AMER2: variants seen among roughly 807,000 people sequenced by gnomAD.
The protein encoded by AMER2 is family with sequence similarity 123A.
In AMER2, 1 loss-of-function variant was observed where a neutral mutation model predicts 4.7. The ratio of observed to expected loss-of-function variants is 0.21; its 90% CI spans 0.07 to 1.00. The LOEUF (loss-of-function observed/expected upper bound fraction) is 1.00. Ranked by LOEUF, AMER2 falls within the 50% of genes least tolerant of loss-of-function variation. AMER2 has a pLI of 0.60. For synonymous variants in AMER2, 485 were observed against 433.3 expected (o/e 1.12, Z -1.48); for missense variants, 988 against 966.9 (o/e 1.02, Z -0.29).
chr13:25,170,280 T>C lies in AMER2; in HGVS notation c.1340A>G (p.Glu447Gly), dbSNP rs764652780. The change falls in exon 1 of 1, where the codon GAG becomes GGG. Residue 447 changes from glutamate (E) to glycine (G), a missense_variant. Coordinates refer to ENST00000515384, the MANE Select transcript of AMER2 (RefSeq NM_152704.4). This position sits in a 1 kb window ranked among gnomAD's most constrained non-coding sequence, Gnocchi z 7.3. ...QEFWDMLSQT[E>G]EQGPEPQEGA... ...CTCCTGGGGCTCGGGTCCCTGCTCC[T>C]CGGTCTGGGAGAGCATGTCCCAGAA... is the stretch of plus-strand genomic sequence containing the variant. 1 of 1,613,562 alleles carries C rather than the reference T, an allele frequency of 6.2e-7. No individual in the cohort carries two copies. Among genetic ancestry groups the C allele is most frequent in the Admixed American group, 1.7e-5 (1 of 59,968 alleles).
Position 25,171,447 on chromosome 13 carries a change from G to T in AMER2, c.173C>A (p.Pro58Gln), listed in dbSNP as rs1173779693. The T allele has an allele frequency of 6.2e-7, 1 of 1,611,874 alleles. No homozygotes were observed. The highest frequency in any genetic ancestry group is 1.7e-5 in the Admixed American group (1 of 59,866). Residue 58 changes from proline to glutamine, a missense_variant, in exon 1 of 1, where the codon CCG becomes CAG. Physicochemically the swap from Pro to Gln is moderately conservative, Grantham distance 76. Coordinates refer to ENST00000515384, the MANE Select transcript of AMER2 (RefSeq NM_152704.4). The surrounding 1 kb of genome is among the most constrained non-coding windows in gnomAD (Gnocchi z 5.9). The stretch of plus-strand genomic sequence containing the variant: ...AGCTTTATTAATCTTCCCCGACGGC[G>T]GCTCGGCGGCCGGCGTTTCGGCGGC... ...DCAAETPAAE[P>Q]PSGKINKAAF...
rs1391799292 is a variant in AMER2 at position 25,162,366 on chromosome 13, CA to C, written c.*7237del. The stretch of plus-strand genomic sequence containing the variant: ...TACAAATGATAGGAATTGACTTTGC[CA>C]ACAACATCAAAAGCATTTTCCCTGA... On this transcript the variant is annotated 3_prime_UTR_variant, in exon 1 of 1. Transcript: ENST00000515384. The C allele has an allele frequency of 1.3e-5, 2 of 152,232 alleles. No individual in the cohort carries two copies. Among genetic ancestry groups the C allele is most frequent in the Admixed American group, 1.3e-4 (2 of 15,280 alleles). The allele number at this position is 152,232 out of a possible 1,614,324, so 9.4% of individuals were successfully genotyped here.
chr13:25,170,952 C>T lies in AMER2; in HGVS notation c.668G>A (p.Gly223Asp). Residue 223 changes from glycine (G) to aspartate (D), a missense_variant, in exon 1 of 1, where the codon GGC becomes GAC. Transcript: ENST00000515384. The surrounding 1 kb of genome is among the most constrained non-coding windows in gnomAD (Gnocchi z 7.3). ...GGTGAGCGAGCCGGGTAGGATCAAG[C>T]CGCCCCCGGGCGCGCGCCCCTCCGC... Reference protein sequence around the residue: ...EAAEGRAPGGGLILPGSLTAS... With the variant: ...EAAEGRAPGGDLILPGSLTAS... 6.5e-7 allele frequency: 1 copy of T among 1,532,264 alleles called. No individual in the cohort carries two copies. Among genetic ancestry groups the T allele is most frequent in the Non-Finnish European group, 8.7e-7 (1 of 1,144,138 alleles). The allele number at this position is 1,532,264 out of a possible 1,614,324, so 94.9% of individuals were successfully genotyped here.
chr13:25,171,462 G>C lies in AMER2; in HGVS notation c.158C>G (p.Thr53Arg), dbSNP rs1956578041. ...CCCCGACGGCGGCTCGGCGGCCGGC[G>C]TTTCGGCGGCACAGTCACAATGCAA... The part of the protein sequence containing the change: ...MDLHCDCAAE[T>R]PAAEPPSGKI... The change falls in exon 1 of 1, where the codon ACG (threonine) becomes AGG (arginine). Residue 53 changes from threonine to arginine, a missense_variant. Coordinates refer to ENST00000515384, the MANE Select transcript of AMER2 (RefSeq NM_152704.4). The surrounding 1 kb of genome is among the most constrained non-coding windows in gnomAD (Gnocchi z 5.9). 1 of 1,610,818 alleles carries C rather than the reference G, an allele frequency of 6.2e-7. No homozygotes were observed. The highest frequency in any genetic ancestry group is 8.5e-7 in the Non-Finnish European group (1 of 1,179,118).
Position 25,169,770 on chromosome 13 carries a change from T to G in AMER2, c.1850A>C (p.Asn617Thr). The G allele has an allele frequency of 6.2e-7, 1 of 1,614,050 alleles. No individual in the cohort carries two copies. The highest frequency in any genetic ancestry group is 8.5e-7 in the Non-Finnish European group (1 of 1,179,978). Reference protein sequence around the residue: ...KIPISIKHLTNLPSSHPVVHQ... With the variant: ...KIPISIKHLTTLPSSHPVVHQ... Reference sequence around the variant, plus strand: ...CACCACGGGATGGCTAGATGGAAGGTTGGTCAGGTGCTTGATGCTAATAGG... The same window carrying G: ...CACCACGGGATGGCTAGATGGAAGGGTGGTCAGGTGCTTGATGCTAATAGG... Residue 617 changes from asparagine to threonine, a missense_variant, in exon 1 of 1, where the codon AAC (asparagine) becomes ACC (threonine). Physicochemically the swap from Asn to Thr is moderately conservative, Grantham distance 65. Transcript: ENST00000515384. The surrounding 1 kb of genome is among the most constrained non-coding windows in gnomAD (Gnocchi z 4.2).
At position 25,165,020 on chromosome 13, in the gene AMER2, GA is replaced by G. The variant is rs1389815120; in HGVS notation, c.*4583del. The stretch of plus-strand genomic sequence containing the variant: ...ATGCCCCATAAATATGTGTTGCATT[GA>G]ATTAAAGTAAATATCCATCATAAAA... On this transcript the variant is annotated 3_prime_UTR_variant, in exon 1 of 1. Transcript: ENST00000515384. 9.2e-5 allele frequency: 14 copies of G among 152,164 alleles called. No individual in the cohort carries two copies. The highest frequency in any genetic ancestry group is 2.9e-4 in the African/African-American group (12 of 41,440). The allele number at this position is 152,164 out of a possible 1,614,324, so 9.4% of individuals were successfully genotyped here. A position where few individuals can be genotyped will look rare whatever the true frequency, so the allele number is the denominator to read the frequency against.
At position 25,171,218 on chromosome 13, in the gene AMER2, C is replaced by A. The variant is rs1019197116; in HGVS notation, c.402G>T (p.Gly134=). 2.2e-6 allele frequency: 3 copies of A among 1,370,570 alleles called. No homozygotes were observed. In the African/African-American group the frequency reaches 4.6e-5, roughly 21 times the overall value. 84.9% of individuals were successfully genotyped at this position (1,370,570 alleles called of 1,614,324 possible). A position where few individuals can be genotyped will look rare whatever the true frequency, so the allele number is the denominator to read the frequency against. The change falls in exon 1 of 1, where the codon GGG becomes GGT. Residue 134 remains glycine, a synonymous_variant. Transcript: ENST00000515384. The surrounding 1 kb of genome is among the most constrained non-coding windows in gnomAD (Gnocchi z 5.9). The part of the protein sequence containing the change: ...RGGGDSGGGG[G]GRPNPGPPRA... ...TGGGGGGCCCCGGGTTCGGCCGCCC[C>A]CCGCCGCCCCCGCCGCTGTCGCCCC...
chr13:25,171,795 C>A lies in AMER2; in HGVS notation c.-176G>T, dbSNP rs1398815286. On this transcript the variant is annotated 5_prime_UTR_variant, in exon 1 of 1. Transcript: ENST00000515384. The surrounding 1 kb of genome is among the most constrained non-coding windows in gnomAD (Gnocchi z 5.9). ...TATAATACCCTAACCCACTTCCATC[C>A]GACTTGGCTCGGCGCTGCATGGCGT... 2 of 1,270,556 alleles carry A rather than the reference C, an allele frequency of 1.6e-6. No individual in the cohort carries two copies. The highest frequency in any genetic ancestry group is 3.1e-5 in the East Asian group (1 of 31,820). The allele number at this position is 1,270,556 out of a possible 1,614,324, so 78.7% of individuals were successfully genotyped here.
Position 25,167,793 on chromosome 13 carries a change from C to T in AMER2, c.*1811G>A, listed in dbSNP as rs572143920. 3.3e-5 allele frequency: 5 copies of T among 152,102 alleles called. No individual in the cohort carries two copies. Among genetic ancestry groups the T allele is most frequent in the Admixed American group, 6.5e-5 (1 of 15,272 alleles). The allele number at this position is 152,102 out of a possible 1,614,324, so 9.4% of individuals were successfully genotyped here. ...TCTGCTACTGGCTCAATTTGCTTTCCTTTGATGTCCATTTATTTTGTTACT... is the reference window on the plus strand; with the variant it reads ...TCTGCTACTGGCTCAATTTGCTTTCTTTTGATGTCCATTTATTTTGTTACT... On this transcript the variant is annotated 3_prime_UTR_variant, in exon 1 of 1. Coordinates refer to ENST00000515384, the MANE Select transcript of AMER2 (RefSeq NM_152704.4).
rs1225063824 is a variant in AMER2 at position 25,171,603 on chromosome 13, C to A, written c.17G>T (p.Ser6Ile). The change falls in exon 1 of 1, where the codon AGC becomes ATC. Residue 6 changes from serine to isoleucine, a missense_variant. Ser to Ile is a moderately radical substitution (Grantham distance 142). Coordinates refer to ENST00000515384, the MANE Select transcript of AMER2 (RefSeq NM_152704.4). The surrounding 1 kb of genome is among the most constrained non-coding windows in gnomAD (Gnocchi z 5.9). METSR[S>I]RGGGGAVSER... is the part of the protein sequence containing the mutation. ...GCTGACAGCCCCGCCGCCGCCGCGG[C>A]TCCGGCTCGTCTCCATGGAAACCGC... 1.3e-6 allele frequency: 2 copies of A among 1,493,828 alleles called. No homozygotes were observed. Among genetic ancestry groups the A allele is most frequent in the African/African-American group, 1.4e-5 (1 of 69,594 alleles). The allele number at this position is 1,493,828 out of a possible 1,614,324, so 92.5% of individuals were successfully genotyped here. A position where few individuals can be genotyped will look rare whatever the true frequency, so the allele number is the denominator to read the frequency against.
In AMER2 at chr13:25,171,018, A is replaced by T. The variant is rs1956563325; in HGVS notation, c.602T>A (p.Met201Lys). 1 of 1,569,324 alleles carries T rather than the reference A, an allele frequency of 6.4e-7. No individual in the cohort carries two copies. The highest frequency in any genetic ancestry group is 8.6e-7 in the Non-Finnish European group (1 of 1,159,318). Reference sequence around the variant, plus strand: ...CCGCTTGTCTTTCCTGTGCCAGCGCATGCCGCTGAACAGCCCCCGCAGCCC... The same window carrying T: ...CCGCTTGTCTTTCCTGTGCCAGCGCTTGCCGCTGAACAGCCCCCGCAGCCC... ...KRGLRGLFSG[M>K]RWHRKDKRAK... is the part of the protein sequence containing the mutation. The change falls in exon 1 of 1, where the codon ATG (methionine) becomes AAG (lysine). Residue 201 changes from methionine to lysine, a missense_variant. Physicochemically the swap from Met to Lys is moderately conservative, Grantham distance 95. Coordinates refer to ENST00000515384, the MANE Select transcript of AMER2 (RefSeq NM_152704.4). This position sits in a 1 kb window ranked among gnomAD's most constrained non-coding sequence, Gnocchi z 5.9.
In AMER2 at chr13:25,169,922, T is replaced by C. The variant is rs771115434; in HGVS notation, c.1698A>G (p.Pro566=). The C allele has an allele frequency of 6.2e-7, 1 of 1,614,178 alleles. No homozygotes were observed. Among genetic ancestry groups the C allele is most frequent in the South Asian group, 1.1e-5 (1 of 91,084 alleles). The part of the protein sequence containing the change: ...YDLYADPDGS[P]ATLPGGKDNE... ...TGTCCTTCCCTCCAGGAAGGGTTGCTGGACTTCCGTCCGGGTCAGCATAGA... is the reference window on the plus strand; with the variant it reads ...TGTCCTTCCCTCCAGGAAGGGTTGCCGGACTTCCGTCCGGGTCAGCATAGA... Residue 566 remains proline, a synonymous_variant, in exon 1 of 1, where the codon CCA becomes CCG. Coordinates refer to ENST00000515384, the MANE Select transcript of AMER2 (RefSeq NM_152704.4). This position sits in a 1 kb window ranked among gnomAD's most constrained non-coding sequence, Gnocchi z 4.2.
Position 25,171,777 on chromosome 13 carries a change from C to T in AMER2, c.-158G>A. The stretch of plus-strand genomic sequence containing the variant: ...CCCTCCCGCAAGGGCTTATATAATA[C>T]CCTAACCCACTTCCATCCGACTTGG... On this transcript the variant is annotated 5_prime_UTR_variant, in exon 1 of 1. Coordinates refer to ENST00000515384, the MANE Select transcript of AMER2 (RefSeq NM_152704.4). This position sits in a 1 kb window ranked among gnomAD's most constrained non-coding sequence, Gnocchi z 5.9. 2.3e-6 allele frequency: 3 copies of T among 1,322,372 alleles called. No homozygotes were observed. The highest frequency in any genetic ancestry group is 1.5e-5 in the African/African-American group (1 of 64,548). The allele number at this position is 1,322,372 out of a possible 1,614,324, so 81.9% of individuals were successfully genotyped here. A position where few individuals can be genotyped will look rare whatever the true frequency, so the allele number is the denominator to read the frequency against.
Position 25,170,431 on chromosome 13 carries a change from C to T in AMER2, c.1189G>A (p.Asp397Asn). 1 of 1,614,198 alleles carries T rather than the reference C, an allele frequency of 6.2e-7. No homozygotes were observed. Among genetic ancestry groups the T allele is most frequent in the South Asian group, 1.1e-5 (1 of 91,072 alleles). Residue 397 changes from aspartate to asparagine, a missense_variant, in exon 1 of 1, where the codon GAC becomes AAC. Coordinates refer to ENST00000515384, the MANE Select transcript of AMER2 (RefSeq NM_152704.4). This position sits in a 1 kb window ranked among gnomAD's most constrained non-coding sequence, Gnocchi z 7.3. ...DQEEEAGPSC[D>N]KHVPGPGKPA... ...TTGCCTGGCCCGGGGACATGCTTGT[C>T]ACAGCTGGGACCTGCCTCTTCCTCT...
rs1452285945 is a variant in AMER2, at chr13:25,170,252, G to A, written c.1368C>T (p.Gly456=). ...TEEQGPEPQE[G]AAKVAAALET... ...CCAGCGCAGCTGCCACCTTAGCCGC[G>A]CCCTCCTGGGGCTCGGGTCCCTGCT... The change falls in exon 1 of 1, where the codon GGC becomes GGT. Residue 456 remains glycine, a synonymous_variant. Transcript: ENST00000515384. The surrounding 1 kb of genome is among the most constrained non-coding windows in gnomAD (Gnocchi z 7.3). 6.2e-7 allele frequency: 1 copy of A among 1,612,630 alleles called. No homozygotes were observed.
Position 25,162,863 on chromosome 13 carries a change from G to A in AMER2, c.*6741C>T, listed in dbSNP as rs1956425405. 2 of 152,140 alleles carry A rather than the reference G, an allele frequency of 1.3e-5. No individual in the cohort carries two copies. The highest frequency in any genetic ancestry group is 4.8e-5 in the African/African-American group (2 of 41,430). 9.4% of individuals were successfully genotyped at this position (152,140 alleles called of 1,614,324 possible). On this transcript the variant is annotated 3_prime_UTR_variant, in exon 1 of 1. Transcript: ENST00000515384. ...CTACCTTACATGGTTCTTGTGAAGA[G>A]TAAAGATAACAATGTAAAAAAAGCA... is the stretch of plus-strand genomic sequence containing the variant.
Position 25,163,301 on chromosome 13 carries a change from AC to A in AMER2, c.*6302del, listed in dbSNP as rs1956432266. ...AATAATTCTATGTTTAATTAGAATT[AC>A]CATATGAATGACCCAGTCATTCCAC... On this transcript the variant is annotated 3_prime_UTR_variant, in exon 1 of 1. Coordinates refer to ENST00000515384, the MANE Select transcript of AMER2 (RefSeq NM_152704.4). 6.6e-6 allele frequency: 1 copy of A among 152,214 alleles called. No homozygotes were observed. The highest frequency in any genetic ancestry group is 2.4e-5 in the African/African-American group (1 of 41,452). The allele number at this position is 152,214 out of a possible 1,614,324, so 9.4% of individuals were successfully genotyped here.
Position 25,168,369 on chromosome 13 carries a change from TTCC to T in AMER2, c.*1232_*1234del, listed in dbSNP as rs1172404942. The T allele has an allele frequency of 6.6e-6, 1 of 152,204 alleles. No homozygotes were observed. 9.4% of individuals were successfully genotyped at this position (152,204 alleles called of 1,614,324 possible). On this transcript the variant is annotated 3_prime_UTR_variant, in exon 1 of 1. Transcript: ENST00000515384. ...TCTTTCTATTGTTTTTCTTTATGTG[TTCC>T]TCATTTTGCACTCATTATATTGAGG...
At position 25,165,856 on chromosome 13, in the gene AMER2, A is replaced by G. The variant is rs1361568; in HGVS notation, c.*3748T>C. The G allele has an allele frequency of 0.97, 147,907 of 152,376 alleles. 71,949 individuals are homozygous for G. Among genetic ancestry groups the G allele is most frequent in the East Asian group, 1 (5,184 of 5,184 alleles). 9.4% of individuals were successfully genotyped at this position (152,376 alleles called of 1,614,324 possible). A position where few individuals can be genotyped will look rare whatever the true frequency, so the allele number is the denominator to read the frequency against. On this transcript the variant is annotated 3_prime_UTR_variant, in exon 1 of 1. Transcript: ENST00000515384. The stretch of plus-strand genomic sequence containing the variant: ...AGGGAATGCATTCCGCCATGCGGAC[A>G]GAGCCAACATGCTAGCGTCATGTGA...
Sources: gnomAD v4.1 joint callset for allele counts on GRCh38, gnomAD v4.1.1 for gene constraint, Gnocchi (gnomAD v3.1) non-coding constraint, MANE v1.5 for transcripts, NCBI Gene and HGNC (gene_info 2026-07-23, HGNC 2026-07-21) for gene names.